Variants in LNPK observed in about 807,000 individuals in gnomAD.
LNPK encodes the protein lunapark, ER junction formation factor.
In LNPK, 29 loss-of-function variants were observed where a neutral mutation model predicts 55.2. That is an observed-to-expected ratio of 0.53 (90% confidence interval 0.39 to 0.72). The LOEUF is 0.72. Among genes scored for constraint, LNPK ranks in the 30% least tolerant of loss-of-function variants. The probability of loss-of-function intolerance (pLI) is 0.00; values close to 1 mark genes in which losing one functional copy is unlikely to be tolerated. For missense variants in LNPK, 467 were observed against 494.8 expected (o/e 0.94, Z 0.53); for synonymous variants, 162 against 168.2 (o/e 0.96, Z 0.29).
chr2:175,968,237 T>C (rs563541940), intron 6 of LNPK, among the ~76,000 whole-genome samples: 17 of 152,314 alleles, frequency 1.1e-4, no homozygotes, highest in African/African-American at 3.8e-4. Flanking sequence ...CTGTAGTTGA[T>C]TGTTAAGCTT....
intron 1 of LNPK, among the ~76,000 whole-genome samples, chr2:175,997,962 G>A (rs567524434): frequency 1.3e-5 from 2 of 150,476 alleles, no homozygotes; most frequent in Admixed American, 6.6e-5. Flanking sequence ...GGTTGGTCTC[G>A]AACTCCTGGC....
At chr2:176,001,901 G>A (rs1486385917) in intron 1 of LNPK, among the ~76,000 whole-genome samples, 1 of 152,194 alleles carries the variant, frequency 6.6e-6, no homozygotes, top group Non-Finnish European at 1.5e-5. Context: ...CCCTAGAGGG[G>A]AAACAAGGGT....
At chr2:175,930,412 G>A (rs1431278889) in intron 12 of LNPK, among the ~76,000 whole-genome samples, 1 of 150,572 alleles carries the variant, frequency 6.6e-6, no homozygotes, top group Non-Finnish European at 1.5e-5. Flanking sequence ...GAAAAAAAAA[G>A]TAATTCAGAG....
rs184844026 is a variant in LNPK, at chr2:175,972,392, C to G, written c.317-1588G>C. Among the ~76,000 whole-genome samples, 5 of 152,052 alleles carry G rather than the reference C, an allele frequency of 3.3e-5. No individual in the cohort carries two copies. The East Asian group carries it at 9.7e-4, about 29-fold the overall frequency. On this transcript the variant is annotated intron_variant, in intron 5 of 12. Transcript: ENST00000272748. ...AGCTGAGCATCTCAAATCCAAAAAT[C>G]CAAAATCCAAAATGCTCCAAGGACC... is the stretch of plus-strand genomic sequence containing the variant.
chr2:175,954,878 G>C (rs1685617264), intron 8 of LNPK, among the ~76,000 whole-genome samples: 1 of 152,188 alleles, frequency 6.6e-6, no homozygotes, highest in Non-Finnish European at 1.5e-5. Context: ...GCATATAGAG[G>C]TAGCAAGCTA....
chr2:175,986,318 G>A (rs1687409120), intron 4 of LNPK, among the ~76,000 whole-genome samples: 1 of 151,706 alleles, frequency 6.6e-6, no homozygotes, highest in Non-Finnish European at 1.5e-5. Flanking sequence ...CATTCTCTGA[G>A]AGCAATACAA....
At chr2:175,985,815 G>A (rs529984393) in intron 4 of LNPK, among the ~76,000 whole-genome samples, 1 of 152,302 alleles carries the variant, frequency 6.6e-6, no homozygotes, top group East Asian at 1.9e-4. Flanking sequence ...TTATATGAAT[G>A]TAGTCTCTCT....
At chr2:175,997,545 TTTTGG>T (rs1381267836) in intron 1 of LNPK, among the ~76,000 whole-genome samples, 12 of 152,258 alleles carry the variant, frequency 7.9e-5, no homozygotes, top group Admixed American at 2.6e-4. Context: ...AACCTACATA[TTTTGG>T]TTTGAAGTAG....
At chr2:175,958,304 C>T (rs1208339813) in intron 8 of LNPK, among the ~76,000 whole-genome samples, 4 of 152,206 alleles carry the variant, frequency 2.6e-5, no homozygotes, top group African/African-American at 7.2e-5. Context: ...GAGACACCTG[C>T]CAGTAGGGGT....
chr2:175,992,411 T>C lies in LNPK; in HGVS notation c.77A>G (p.Gln26Arg). 1 of 1,496,200 alleles carries C rather than the reference T, an allele frequency of 6.7e-7. No individual in the cohort carries two copies. The allele number at this position is 1,496,200 out of a possible 1,614,324, so 92.7% of individuals were successfully genotyped here. The change falls in exon 4 of 13, where the codon CAA becomes CGA. Residue 26 changes from glutamine (Q) to arginine (R), a missense_variant. Gln to Arg is a conservative substitution (Grantham distance 43). Coordinates refer to ENST00000272748, the MANE Select transcript of LNPK (RefSeq NM_030650.3). ...EVLESIDKEI[Q>R]ALEEFREKNQ... ...TTTTTCCCTAAATTCTTCCAATGCT[T>C]GAATTTCCTGTTAAGAGAAAATTAT...
At chr2:175,972,515 AATT>A (rs1242991931) in intron 5 of LNPK, among the ~76,000 whole-genome samples, 1 of 152,102 alleles carries the variant, frequency 6.6e-6, no homozygotes, top group Non-Finnish European at 1.5e-5. Flanking sequence ...CCTATATAAT[AATT>A]GAGTTCAATT....
At chr2:175,940,712 C>T (rs1460039920) in intron 9 of LNPK, among the ~76,000 whole-genome samples, 3 of 152,028 alleles carry the variant, frequency 2.0e-5, no homozygotes, top group Non-Finnish European at 4.4e-5. Context: ...ATGAAAATGA[C>T]TGAATTAGTA....
At chr2:175,997,643 C>A (rs4246621) in intron 1 of LNPK, among the ~76,000 whole-genome samples, 139,991 of 151,864 alleles carry the variant, frequency 0.92, 65,006 homozygotes, top group East Asian at 1. Context: ...ATTAATGGCA[C>A]CAACAATATC....
chr2:176,000,557 C>T (rs1278940548), intron 1 of LNPK, among the ~76,000 whole-genome samples: 2 of 152,140 alleles, frequency 1.3e-5, no homozygotes, highest in African/African-American at 4.8e-5. Flanking sequence ...AAATAGATTG[C>T]TCTCATTTTC....
chr2:175,945,405 T>C (rs1685074416), intron 9 of LNPK, among the ~76,000 whole-genome samples: 1 of 149,762 alleles, frequency 6.7e-6, no homozygotes, highest in Non-Finnish European at 1.5e-5. Flanking sequence ...CTCGGCAGGC[T>C]GAGGCAGGAG....
chr2:175,987,999 C>T (rs1041756786), intron 4 of LNPK, among the ~76,000 whole-genome samples: 3 of 152,170 alleles, frequency 2.0e-5, no homozygotes, highest in African/African-American at 7.2e-5. Context: ...TATCTCAATT[C>T]AATCAATATA....
At chr2:175,994,134 C>G (rs1211707531) in intron 2 of LNPK, 1 of 962,878 alleles carries the variant, frequency 1.0e-6, no homozygotes, top group Non-Finnish European at 1.2e-6. Flanking sequence ...AAATATTTAC[C>G]AATTACATAC....
At chr2:175,942,504 T>C (rs1684901285) in intron 9 of LNPK, among the ~76,000 whole-genome samples, 1 of 152,024 alleles carries the variant, frequency 6.6e-6, no homozygotes. Flanking sequence ...AACAAAATAA[T>C]TAAATTAGAA....
chr2:175,940,119 G>A (rs933562733), intron 9 of LNPK, among the ~76,000 whole-genome samples: 1 of 151,952 alleles, frequency 6.6e-6, no homozygotes. Flanking sequence ...TGGATATCAA[G>A]CAATGTAGGT....
Sources: allele counts gnomAD v4.1 joint callset (sites outside exome capture counted in the v4.1 genomes callset), GRCh38; gene constraint gnomAD v4.1.1; transcripts MANE v1.5; gene names NCBI Gene and HGNC (gene_info 2026-07-23, HGNC 2026-07-21).